PPP1R7: variants seen among roughly 807,000 people sequenced by gnomAD.
The protein encoded by PPP1R7 is protein phosphatase 1 regulatory subunit 7.
Under a neutral mutation model 45.2 loss-of-function variants are expected in PPP1R7, and 18 were observed. The observed-to-expected ratio is 0.40, with a 90% CI of 0.28 to 0.59. The LOEUF is 0.59. PPP1R7 is among the 20% of genes least tolerant of loss of function. The pLI, the probability that PPP1R7 is intolerant of heterozygous loss-of-function variation, is 0.46. For missense variants in PPP1R7, 314 were observed against 455.8 expected (o/e 0.69, Z 2.83); for synonymous variants, 181 against 183.4 (o/e 0.99, Z 0.11).
At chr2:241,164,996 C>T (rs559696681) in intron 7 of PPP1R7, among the ~76,000 whole-genome samples, 40 of 151,820 alleles carry the variant, frequency 2.6e-4, no homozygotes, top group Admixed American at 3.9e-4. Context: ...TGCAGTGAGC[C>T]AAGGTTGTGC....
In PPP1R7 at chr2:241,158,564, T is replaced by TA. The variant is rs776738420; in HGVS notation, c.303+16dup. The TA allele has an allele frequency of 1.9e-6, 3 of 1,607,272 alleles. No homozygotes were observed. Among genetic ancestry groups the TA allele is most frequent in the Non-Finnish European group, 2.6e-6 (3 of 1,173,742 alleles). On this transcript the variant is annotated intron_variant, in intron 4 of 9. Coordinates refer to ENST00000234038, the MANE Select transcript of PPP1R7 (RefSeq NM_002712.3). ...AGAAAGTGAAGGTGAGAGGGACTCT[T>TA]ATGAGGGGACTATGACGCTCACCCA... is the stretch of plus-strand genomic sequence containing the variant.
intron 9 of PPP1R7, among the ~76,000 whole-genome samples, chr2:241,175,100 A>G (rs544042506): frequency 1.3e-5 from 2 of 152,190 alleles, no homozygotes; most frequent in Non-Finnish European, 2.9e-5. Flanking sequence ...CCCACTGTAT[A>G]ATACAAACCT....
intron 4 of PPP1R7, 118 bp downstream of exon 4, chr2:241,158,667 G>A: frequency 1.0e-6 from 1 of 970,328 alleles, no homozygotes; most frequent in East Asian, 2.4e-5. Flanking sequence ...CGGCGTGGCT[G>A]CCTCCACCTT....
In PPP1R7 at chr2:241,158,241, G is replaced by A. The variant is rs112441107; in HGVS notation, c.238-243G>A. 9.0e-3 allele frequency among the ~76,000 whole-genome samples: 1,369 copies of A among 152,312 alleles called. 24 individuals carry two copies. Among genetic ancestry groups the A allele is most frequent in the African/African-American group, 0.03 (1,267 of 41,568 alleles). ...CTGAGCTTATGTTTTGTGCATACAGGATCTAAGGAATGAGAAAAAGATGTC... is the reference window on the plus strand; with the variant it reads ...CTGAGCTTATGTTTTGTGCATACAGAATCTAAGGAATGAGAAAAAGATGTC... On this transcript the variant is annotated intron_variant, in intron 3 of 9. Transcript: ENST00000234038.
At chr2:241,181,310 CAG>C (rs914559755) in intron 9 of PPP1R7, among the ~76,000 whole-genome samples, 4 of 152,116 alleles carry the variant, frequency 2.6e-5, no homozygotes, top group African/African-American at 9.7e-5. Context: ...CTGGCTGTGA[CAG>C]TGGACCTGGT....
At chr2:241,173,411 G>T (rs2067853475) in intron 9 of PPP1R7, among the ~76,000 whole-genome samples, 1 of 151,950 alleles carries the variant, frequency 6.6e-6, no homozygotes, top group Admixed American at 6.6e-5. Context: ...ACACGGCCCT[G>T]GTTTGCATTA....
At chr2:241,154,868 C>G (rs2067416906) in intron 2 of PPP1R7, 1 of 152,104 alleles carries the variant, frequency 6.6e-6, no homozygotes, top group Non-Finnish European at 1.5e-5. Context: ...AATCATGCAT[C>G]CCTTATGAAA....
At chr2:241,173,957 A>T (rs2067864118) in intron 9 of PPP1R7, among the ~76,000 whole-genome samples, 1 of 144,024 alleles carries the variant, frequency 6.9e-6, no homozygotes, top group Admixed American at 7.0e-5. Context: ...TCTTCATTAG[A>T]TTCATGTTTT....
At chr2:241,151,500 G>A (rs1440393681) in intron 1 of PPP1R7, 1 of 471,222 alleles carries the variant, frequency 2.1e-6, no homozygotes, top group South Asian at 1.5e-5. Context: ...TTGGGGATAG[G>A]GTGAGGGAAA....
intron 9 of PPP1R7, among the ~76,000 whole-genome samples, chr2:241,174,247 C>G (rs977784719): frequency 6.6e-6 from 1 of 152,172 alleles, no homozygotes; most frequent in Non-Finnish European, 1.5e-5. Context: ...TTTAAGTTCT[C>G]TCCACTGTGG....
intron 6 of PPP1R7, 104 bp from the exon 7 acceptor site, chr2:241,163,181 G>T: frequency 1.4e-6 from 1 of 703,346 alleles, no homozygotes. Flanking sequence ...GCCCCACATC[G>T]CAGAGCTGAA....
chr2:241,160,343 T>C lies in PPP1R7; in HGVS notation c.446T>C (p.Ile149Thr), dbSNP rs2067557450. 1 of 1,597,978 alleles carries C rather than the reference T, an allele frequency of 6.3e-7. No homozygotes were observed. The highest frequency in any genetic ancestry group is 8.5e-7 in the Non-Finnish European group (1 of 1,175,766). ...TTGGTTGTTCTCAGGATTCTAGATA[T>C]TTCTTTTAATCTGCTGAGAAACATC... ...EALTELEILD[I>T]SFNLLRNIEG... Residue 149 changes from isoleucine (I) to threonine (T), a missense_variant, in exon 6 of 10, where the codon ATT (isoleucine) becomes ACT (threonine). By Grantham distance (89) the Ile-to-Thr change is moderately conservative. Coordinates refer to ENST00000234038, the MANE Select transcript of PPP1R7 (RefSeq NM_002712.3).
intron 1 of PPP1R7, 133 bp downstream of exon 1, chr2:241,150,680 C>T: frequency 1.6e-6 from 2 of 1,282,444 alleles, no homozygotes; most frequent in South Asian, 4.2e-5. Flanking sequence ...TGACAGCTGA[C>T]AGCCGGACCC....
intron 5 of PPP1R7, 108 bp downstream of exon 5, chr2:241,159,451 G>A: frequency 1.4e-6 from 2 of 1,398,816 alleles, no homozygotes; most frequent in Non-Finnish European, 1.9e-6. Flanking sequence ...TTGAGAGGCT[G>A]CCTCTGCCAC....
At chr2:241,182,584 C>T in intron 9 of PPP1R7, 63 bp from the exon 10 acceptor site, 2 of 1,584,740 alleles carry the variant, frequency 1.3e-6, no homozygotes, top group Non-Finnish European at 1.7e-6. Flanking sequence ...GCTAGTGGAC[C>T]CCACCAGAGT....
rs376376907 is a variant in PPP1R7 at position 241,169,879 on chromosome 2, A to G, written c.906+12A>G. 3.2e-6 allele frequency: 5 copies of G among 1,587,186 alleles called. No individual in the cohort carries two copies. In the African/African-American group the frequency reaches 5.4e-5, roughly 17 times the overall value. The stretch of plus-strand genomic sequence containing the variant: ...TGCAAGAGTTCTGGGTAAGTTTAAT[A>G]CACGCTGGGGTTGATGACACTTTGA... On this transcript the variant is annotated intron_variant, in intron 9 of 9. Transcript: ENST00000234038.
At chr2:241,171,417 A>G (rs1465347249) in intron 9 of PPP1R7, among the ~76,000 whole-genome samples, 1 of 152,248 alleles carries the variant, frequency 6.6e-6, no homozygotes, top group Non-Finnish European at 1.5e-5. Context: ...ATAAGGTCAT[A>G]TTACCCCATT....
chr2:241,182,258 T>C lies in PPP1R7; in HGVS notation c.907-389T>C, dbSNP rs530245858. Among the ~76,000 whole-genome samples, 78 of 152,350 alleles carry C rather than the reference T, an allele frequency of 5.1e-4. 1 individual carries two copies. Among genetic ancestry groups the C allele is most frequent in the Non-Finnish European group, 9.6e-4 (65 of 68,028 alleles). ...GCCTCTGTCTGCTGTGTCACAGTGA[T>C]GGCGCAGAGTGCAGCCTTGGGAATG... On this transcript the variant is annotated intron_variant, in intron 9 of 9. Coordinates refer to ENST00000234038, the MANE Select transcript of PPP1R7 (RefSeq NM_002712.3).
rs553010383 is a variant in PPP1R7, at chr2:241,175,315, G to C, written c.906+5448G>C. Among the ~76,000 whole-genome samples the C allele has an allele frequency of 2.7e-3, 406 of 152,216 alleles. 5 individuals are homozygous for C. In the South Asian group the frequency reaches 0.049, roughly 19 times the overall value. On this transcript the variant is annotated intron_variant, in intron 9 of 9. Transcript: ENST00000234038. ...TTTCAACTTATAAAACTGGAACTCT[G>C]TACCCATTAAACAATAACTCCCTAT...
Sources: allele counts gnomAD v4.1 joint callset (sites outside exome capture counted in the v4.1 genomes callset), GRCh38; gene constraint gnomAD v4.1.1; transcripts MANE v1.5; gene names NCBI Gene and HGNC (gene_info 2026-07-23, HGNC 2026-07-21).